SULT4A1: variants seen among roughly 807,000 people sequenced by gnomAD.
The protein encoded by SULT4A1 is sulfotransferase family 4A member 1.
A neutral mutation model predicts 35.2 loss-of-function variants in SULT4A1; 11 were observed. That is an observed-to-expected ratio of 0.31 (90% CI 0.20 to 0.52). The LOEUF (loss-of-function observed/expected upper bound fraction) is 0.52. Among genes scored for constraint, SULT4A1 ranks in the 20% least tolerant of loss-of-function variants. The pLI is 0.97. For missense variants in SULT4A1, 271 were observed against 383.7 expected (o/e 0.71, Z 2.45); for synonymous variants, 152 against 151.8 (o/e 1.00, Z -0.01).
chr22:43,851,589 T>C (rs1053808706), intron 1 of SULT4A1, among the ~76,000 whole-genome samples: 3 of 152,142 alleles, frequency 2.0e-5, no homozygotes, highest in African/African-American at 7.2e-5. Flanking sequence ...TGGGGTCAAT[T>C]TCTCAAAAGA....
At chr22:43,835,442 T>C (rs1603405219) in intron 4 of SULT4A1, among the ~76,000 whole-genome samples, 1 of 152,172 alleles carries the variant, frequency 6.6e-6, no homozygotes, top group Non-Finnish European at 1.5e-5. Flanking sequence ...GCGCTGGCTG[T>C]AGAGACTCCT....
intron 1 of SULT4A1, among the ~76,000 whole-genome samples, chr22:43,842,844 G>A (rs1395844374): frequency 6.6e-6 from 1 of 152,168 alleles, no homozygotes; most frequent in Non-Finnish European, 1.5e-5. Flanking sequence ...TTACATGGAA[G>A]CATGCTACAT....
chr22:43,861,980 G>A (rs1290932559), intron 1 of SULT4A1, among the ~76,000 whole-genome samples: 1 of 152,158 alleles, frequency 6.6e-6, no homozygotes, highest in African/African-American at 2.4e-5. Context: ...GGCCGCTCCC[G>A]AAGGTCTCTG....
chr22:43,854,374 C>G (rs964477983), intron 1 of SULT4A1, among the ~76,000 whole-genome samples: 4 of 152,212 alleles, frequency 2.6e-5, no homozygotes, highest in Admixed American at 1.3e-4. Context: ...TGGAGCACAG[C>G]TGCCCCCGCC....
At chr22:43,852,664 G>C (rs2049355307) in intron 1 of SULT4A1, among the ~76,000 whole-genome samples, 1 of 151,990 alleles carries the variant, frequency 6.6e-6, no homozygotes, top group Non-Finnish European at 1.5e-5. Flanking sequence ...CCTTGTCCCT[G>C]TGCTTCCGCA....
At chr22:43,851,085 CTTGT>C (rs2063507523) in intron 1 of SULT4A1, among the ~76,000 whole-genome samples, 1 of 152,144 alleles carries the variant, frequency 6.6e-6, no homozygotes, top group African/African-American at 2.4e-5. Flanking sequence ...TATTTTTGCT[CTTGT>C]TTGTCACCAT....
chr22:43,832,165 C>CCTTCAT, intron 5 of SULT4A1, among the ~76,000 whole-genome samples: 1 of 152,304 alleles, frequency 6.6e-6, no homozygotes, highest in Non-Finnish European at 1.5e-5. Flanking sequence ...TTGGGCTACA[C>CCTTCAT]CTTCATCTCT....
chr22:43,832,352 A>G (rs2063331311), intron 5 of SULT4A1, among the ~76,000 whole-genome samples: 1 of 152,060 alleles, frequency 6.6e-6, no homozygotes, highest in South Asian at 2.1e-4. Flanking sequence ...CCTCACCATA[A>G]CACAGAGCCA....
chr22:43,834,311 G>A (rs1473088721), intron 4 of SULT4A1, among the ~76,000 whole-genome samples: 9 of 148,218 alleles, frequency 6.1e-5, no homozygotes, highest in Non-Finnish European at 1.2e-4. Flanking sequence ...CGCCCCCACC[G>A]CGTCCCTGTG....
chr22:43,825,936 C>T lies in SULT4A1; in HGVS notation c.*65G>A, dbSNP rs1187462457. The T allele has an allele frequency of 1.4e-6, 2 of 1,454,452 alleles. No homozygotes were observed. The highest frequency in any genetic ancestry group is 2.8e-5 in the African/African-American group (2 of 70,790). 90.1% of individuals were successfully genotyped at this position (1,454,452 alleles called of 1,614,324 possible). A position where few individuals can be genotyped will look rare whatever the true frequency, so the allele number is the denominator to read the frequency against. ...TTGTCCAGCAAGGAATAAATGAATG[C>T]ATACAGGACTTTTGGCTAGTAGACT... On this transcript the variant is annotated 3_prime_UTR_variant, in exon 7 of 7. Coordinates refer to ENST00000330884, the MANE Select transcript of SULT4A1 (RefSeq NM_014351.4).
chr22:43,851,418 C>G (rs971255868), intron 1 of SULT4A1, among the ~76,000 whole-genome samples: 3 of 152,186 alleles, frequency 2.0e-5, no homozygotes, highest in Non-Finnish European at 4.4e-5. Context: ...GATCTCTATC[C>G]TTCCTGTTGG....
intron 1 of SULT4A1, among the ~76,000 whole-genome samples, chr22:43,860,938 A>T (rs1188698990): frequency 6.6e-6 from 1 of 152,104 alleles, no homozygotes; most frequent in Non-Finnish European, 1.5e-5. Flanking sequence ...GACTCCGAAC[A>T]ATTTGTGCCT....
intron 1 of SULT4A1, among the ~76,000 whole-genome samples, chr22:43,859,498 C>G (rs1043621682): frequency 2.0e-5 from 3 of 152,222 alleles, no homozygotes; most frequent in Non-Finnish European, 2.9e-5. Flanking sequence ...GGACGAGCAC[C>G]CAATTCAAAT....
intron 1 of SULT4A1, among the ~76,000 whole-genome samples, chr22:43,843,229 AT>A (rs755068236): frequency 6.6e-6 from 1 of 152,166 alleles, no homozygotes; most frequent in African/African-American, 2.4e-5. Flanking sequence ...AGCCTGCGCA[AT>A]ATAGCAAGAC....
At chr22:43,861,131 G>A (rs1322636497) in intron 1 of SULT4A1, among the ~76,000 whole-genome samples, 1 of 152,050 alleles carries the variant, frequency 6.6e-6, no homozygotes, top group Non-Finnish European at 1.5e-5. Flanking sequence ...CCCATCGAAC[G>A]CTCTGTTCTC....
intron 1 of SULT4A1, among the ~76,000 whole-genome samples, chr22:43,855,002 G>A (rs1240743954): frequency 3.3e-5 from 5 of 152,228 alleles, no homozygotes. Flanking sequence ...CACTGGACAA[G>A]ATCTGCCCCT....
intron 1 of SULT4A1, among the ~76,000 whole-genome samples, chr22:43,855,153 C>T (rs1449624263): frequency 6.6e-6 from 1 of 152,154 alleles, no homozygotes; most frequent in African/African-American, 2.4e-5. Flanking sequence ...CTCATGACCC[C>T]GGGGCTGGCA....
chr22:43,847,141 T>C (rs557939206), intron 1 of SULT4A1, among the ~76,000 whole-genome samples: 2 of 152,156 alleles, frequency 1.3e-5, no homozygotes, highest in African/African-American at 4.8e-5. Context: ...CCTTACGTTT[T>C]CCAGCTTCCA....
intron 1 of SULT4A1, among the ~76,000 whole-genome samples, chr22:43,842,885 C>A (rs1486789595): frequency 1.3e-5 from 2 of 152,008 alleles, no homozygotes; most frequent in African/African-American, 4.8e-5. Flanking sequence ...ATCTATGGCT[C>A]CTGGCTCATT....
Sources: allele counts gnomAD v4.1 joint callset (sites outside exome capture counted in the v4.1 genomes callset), GRCh38; gene constraint gnomAD v4.1.1; transcripts MANE v1.5; gene names NCBI Gene and HGNC (gene_info 2026-07-23, HGNC 2026-07-21).